DMC1: variants seen among roughly 807,000 people sequenced by gnomAD.
DMC1 encodes the protein meiotic recombination protein DMC1 homolog.
In DMC1, 27 loss-of-function variants were observed where a neutral mutation model predicts 50.1. The ratio of observed to expected loss-of-function variants is 0.54; its 90% CI spans 0.40 to 0.74. The LOEUF (loss-of-function observed/expected upper bound fraction) is 0.74, where lower values mean the gene tolerates loss of function less well. DMC1 is among the 30% of genes least tolerant of loss of function. DMC1 has a pLI of 0.00. For synonymous variants in DMC1, 148 were observed against 136.1 expected, an observed-to-expected ratio of 1.09 and a Z score of -0.61; for missense variants, 295 against 420.2, an observed-to-expected ratio of 0.70 and a Z score of 2.60.
chr22:38,566,513 C>T (rs1333263663), intron 4 of DMC1, 77 bp downstream of exon 4: 3 of 1,521,536 alleles, frequency 2.0e-6, no homozygotes, highest in Non-Finnish European at 2.7e-6. Context: ...ACAATAATTT[C>T]TAGTTTTCAT....
At position 38,539,362 on chromosome 22, in the gene DMC1, T is replaced by C. The variant is rs376028127; in HGVS notation, c.545A>G (p.Asp182Gly). The C allele has an allele frequency of 5.3e-5, 85 of 1,613,954 alleles. 1 individual carries two copies. Among genetic ancestry groups the C allele is most frequent in the Middle Eastern group, 4.9e-4 (3 of 6,084 alleles). The part of the protein sequence containing the change: ...DIADRFNVDH[D>G]AVLDNVLYAR... ...ATAAAGTACGTTGTCCAGTACTGCATCATGGTCTACATTAAAGCGATCAGC... is the reference window on the plus strand; with the variant it reads ...ATAAAGTACGTTGTCCAGTACTGCACCATGGTCTACATTAAAGCGATCAGC... Residue 182 changes from aspartate (D) to glycine (G), a missense_variant, in exon 9 of 14, where the codon GAT becomes GGT. By Grantham distance (94) the Asp-to-Gly change is moderately conservative. Coordinates refer to ENST00000216024, the MANE Select transcript of DMC1 (RefSeq NM_007068.4).
At position 38,519,750 on chromosome 22, in the gene DMC1, G is replaced by GTA. The variant is rs2090002932; in HGVS notation, c.*268_*269dup. On this transcript the variant is annotated 3_prime_UTR_variant, in exon 14 of 14. Coordinates refer to ENST00000216024, the MANE Select transcript of DMC1 (RefSeq NM_007068.4). ...ACACAGAGTGAGAGAATTTCAATAG[G>GTA]TATATATATCTACTATATATGTCAG... is the stretch of plus-strand genomic sequence containing the variant. 1 of 408,194 alleles carries GTA rather than the reference G, an allele frequency of 2.4e-6. No individual in the cohort carries two copies. Among genetic ancestry groups the GTA allele is most frequent in the African/African-American group, 2.1e-5 (1 of 48,482 alleles). 25.3% of individuals were successfully genotyped at this position (408,194 alleles called of 1,614,324 possible).
At chr22:38,548,701 C>T (rs1188012575) in intron 8 of DMC1, among the ~76,000 whole-genome samples, 1 of 152,070 alleles carries the variant, frequency 6.6e-6, no homozygotes, top group East Asian at 1.9e-4. Flanking sequence ...TGGCGAAACC[C>T]CATCTGTATT....
chr22:38,524,009 C>G (rs368596084), intron 12 of DMC1, among the ~76,000 whole-genome samples: 34 of 152,326 alleles, frequency 2.2e-4, no homozygotes, highest in Non-Finnish European at 2.6e-4. Flanking sequence ...GCTGCTCATT[C>G]TCCTGTGTGA....
rs2090625001 is a variant in DMC1 at position 38,570,164 on chromosome 22, C to A, written c.-155G>T. Reference sequence around the variant, plus strand: ...ACACGGAGCCTGGAGACCCGCGCGCCGTTGACCACAGGGTTTGGCGCCAAA... The same window carrying A: ...ACACGGAGCCTGGAGACCCGCGCGCAGTTGACCACAGGGTTTGGCGCCAAA... On this transcript the variant is annotated 5_prime_UTR_variant, in exon 1 of 14. Coordinates refer to ENST00000216024, the MANE Select transcript of DMC1 (RefSeq NM_007068.4). 1 of 151,816 alleles carries A rather than the reference C, an allele frequency of 6.6e-6. No individual in the cohort carries two copies. Among genetic ancestry groups the A allele is most frequent in the Non-Finnish European group, 1.5e-5 (1 of 68,074 alleles). 9.4% of individuals were successfully genotyped at this position (151,816 alleles called of 1,614,324 possible). A position where few individuals can be genotyped will look rare whatever the true frequency, so the allele number is the denominator to read the frequency against.
chr22:38,549,777 C>T (rs2090383573), intron 8 of DMC1, 148 bp downstream of exon 8: 1 of 646,470 alleles, frequency 1.5e-6, no homozygotes, highest in Admixed American at 2.7e-5. Flanking sequence ...GATTGGAGAA[C>T]TTAAACAGTA....
At chr22:38,518,580 G>C (rs983025941), downstream of DMC1, among the ~76,000 whole-genome samples, 6 of 151,696 alleles carry the variant, frequency 4.0e-5, no homozygotes, top group Non-Finnish European at 7.4e-5. Context: ...ACCCAGGCTG[G>C]AGTGCAGTGG....
the DMC1 span, among the ~76,000 whole-genome samples, chr22:38,511,605 TTGAG>T: frequency 1.3e-5 from 2 of 151,730 alleles, no homozygotes; most frequent in East Asian, 1.9e-4. Flanking sequence ...GAAAAAAAAA[TTGAG>T]CGAGAGAGAG....
intron 5 of DMC1, among the ~76,000 whole-genome samples, chr22:38,557,953 G>GTTTTTTTTTTTTTTT (rs1555940699): frequency 3.2e-5 from 3 of 94,966 alleles, no homozygotes; most frequent in Non-Finnish European, 4.3e-5. Context: ...ATTAGACAAA[G>GTTTTTTTTTTTTTTT]TTCTTTTTTT....
At chr22:38,538,442 T>C in intron 10 of DMC1, 33 bp from the exon 11 acceptor site, 1 of 1,610,338 alleles carries the variant, frequency 6.2e-7, no homozygotes, top group Non-Finnish European at 8.5e-7. Flanking sequence ...TAAACATGCA[T>C]TTGGAAATTG....
chr22:38,552,120 C>G (rs1569165820), intron 7 of DMC1, among the ~76,000 whole-genome samples: 1 of 152,136 alleles, frequency 6.6e-6, no homozygotes, highest in Non-Finnish European at 1.5e-5. Flanking sequence ...CTCGGCCTCC[C>G]AAAGTGCTGG....
intron 8 of DMC1, 142 bp from the exon 9 acceptor site, chr22:38,539,554 C>G: frequency 1.4e-6 from 1 of 716,270 alleles, no homozygotes; most frequent in South Asian, 1.5e-5. Context: ...TGCTAGCAAC[C>G]ATTTAAAGTC....
At chr22:38,551,330 G>C (rs781416576) in intron 7 of DMC1, among the ~76,000 whole-genome samples, 14 of 152,018 alleles carry the variant, frequency 9.2e-5, no homozygotes, top group Non-Finnish European at 1.3e-4. Flanking sequence ...TTTTAAAAAT[G>C]CATTTACTTT....
chr22:38,513,576 T>TC, the DMC1 span, among the ~76,000 whole-genome samples: 2 of 152,058 alleles, frequency 1.3e-5, no homozygotes, highest in Non-Finnish European at 2.9e-5. Flanking sequence ...CTCTCTTTCT[T>TC]TTTTCTTTTC....
chr22:38,566,500 C>T, intron 4 of DMC1, 90 bp downstream of exon 4: 1 of 1,435,634 alleles, frequency 7.0e-7, no homozygotes, highest in Non-Finnish European at 9.7e-7. Context: ...GAACTCAGTT[C>T]CCACAATAAT....
In DMC1 at chr22:38,538,364, G is replaced by A; in HGVS notation, c.706C>T (p.Arg236Cys). ...TGCTGCCGTTCGGCCAACTCCCCAC[G>A]GCCACTGAAATCCACTCGAAAAAGT... ...MALFRVDFSG[R>C]GELAERQQKL... The change falls in exon 11 of 14, where the codon CGT becomes TGT. Residue 236 changes from arginine to cysteine, a missense_variant. Arg to Cys is a radical substitution (Grantham distance 180, BLOSUM62 -3). Coordinates refer to ENST00000216024, the MANE Select transcript of DMC1 (RefSeq NM_007068.4). 6.2e-7 allele frequency: 1 copy of A among 1,613,762 alleles called. No homozygotes were observed. Among genetic ancestry groups the A allele is most frequent in the Non-Finnish European group, 8.5e-7 (1 of 1,179,994 alleles).
At chr22:38,559,221 G>A (rs943273842) in intron 5 of DMC1, among the ~76,000 whole-genome samples, 2 of 152,098 alleles carry the variant, frequency 1.3e-5, no homozygotes, top group African/African-American at 4.8e-5. Flanking sequence ...AGTAGAGACG[G>A]GGTTTCTCCA....
chr22:38,519,883 A>C lies in DMC1; in HGVS notation c.*137T>G. ...CAGGGACTTTTAAGATAAATATAAG[A>C]TTTAAATCTCTTTGCTGACTTTTCT... On this transcript the variant is annotated 3_prime_UTR_variant, in exon 14 of 14. Coordinates refer to ENST00000216024, the MANE Select transcript of DMC1 (RefSeq NM_007068.4). 1 of 689,662 alleles carries C rather than the reference A, an allele frequency of 1.4e-6. No homozygotes were observed. Among genetic ancestry groups the C allele is most frequent in the Non-Finnish European group, 2.6e-6 (1 of 381,678 alleles). 42.7% of individuals were successfully genotyped at this position (689,662 alleles called of 1,614,324 possible).
the DMC1 span, among the ~76,000 whole-genome samples, chr22:38,509,887 G>A: frequency 6.6e-6 from 1 of 151,916 alleles, no homozygotes; most frequent in Admixed American, 6.6e-5. Flanking sequence ...GGCTGGTTTT[G>A]AACTCCTGAC....
Sources: allele counts gnomAD v4.1 joint callset (sites outside exome capture counted in the v4.1 genomes callset), GRCh38; gene constraint gnomAD v4.1.1; transcripts MANE v1.5; gene names NCBI Gene and HGNC (gene_info 2026-07-23, HGNC 2026-07-21).